Variants in FSTL5 observed in about 807,000 individuals in gnomAD.
The protein encoded by FSTL5 is follistatin like 5.
In FSTL5, 62 loss-of-function variants were observed where a neutral mutation model predicts 89.1. That is an observed-to-expected ratio of 0.70 (90% CI 0.57 to 0.86). The LOEUF (loss-of-function observed/expected upper bound fraction) is 0.86, where lower values mean the gene tolerates loss of function less well. Among genes scored for constraint, FSTL5 ranks in the 40% least tolerant of loss-of-function variants. The probability of loss-of-function intolerance (pLI) is 0.00; values close to 1 mark genes in which losing one functional copy is unlikely to be tolerated. For synonymous variants in FSTL5, 383 were observed against 346.2 expected (o/e 1.11, Z -1.18); for missense variants, 1,057 against 1,001.6 (o/e 1.06, Z -0.75).
intron 4 of FSTL5, among the ~76,000 whole-genome samples, chr4:161,888,991 A>G (rs1222175347): frequency 6.6e-6 from 1 of 152,122 alleles, no homozygotes; most frequent in Non-Finnish European, 1.5e-5. Context: ...TATTACTTGG[A>G]TTTCTGATAT....
intron 3 of FSTL5, among the ~76,000 whole-genome samples, chr4:161,942,715 G>T (rs1240512565): frequency 6.6e-6 from 1 of 152,108 alleles, no homozygotes; most frequent in Non-Finnish European, 1.5e-5. Flanking sequence ...TATTCTTTAT[G>T]AATATAGATG....
At chr4:161,842,966 T>C (rs992485725) in intron 4 of FSTL5, among the ~76,000 whole-genome samples, 11 of 152,208 alleles carry the variant, frequency 7.2e-5, no homozygotes, top group African/African-American at 2.7e-4. Context: ...TGCCCCACTA[T>C]ATTTTTTAAC....
At chr4:161,396,021 A>G (rs989689488) in intron 15 of FSTL5, among the ~76,000 whole-genome samples, 4 of 152,098 alleles carry the variant, frequency 2.6e-5, no homozygotes, top group Non-Finnish European at 5.9e-5. Flanking sequence ...CCCATGGGAT[A>G]TCAGCAAACA....
intron 11 of FSTL5, among the ~76,000 whole-genome samples, chr4:161,507,998 A>G (rs1019833676): frequency 3.3e-5 from 5 of 152,098 alleles, no homozygotes; most frequent in African/African-American, 1.2e-4. Context: ...ATAAATATAA[A>G]ACACTGCTAG....
chr4:161,952,092 A>G (rs1734911894), intron 3 of FSTL5, among the ~76,000 whole-genome samples: 1 of 152,042 alleles, frequency 6.6e-6, no homozygotes, highest in Non-Finnish European at 1.5e-5. Flanking sequence ...CTTTCCAGAA[A>G]TATAACTTGA....
chr4:161,514,852 C>T (rs1371592659), intron 10 of FSTL5, among the ~76,000 whole-genome samples: 4 of 151,804 alleles, frequency 2.6e-5, no homozygotes, highest in African/African-American at 9.7e-5. Flanking sequence ...AGATAAATAT[C>T]CAATTTCTAT....
intron 4 of FSTL5, among the ~76,000 whole-genome samples, chr4:161,902,195 G>A (rs868103794): frequency 9.9e-5 from 15 of 152,192 alleles, no homozygotes; most frequent in Admixed American, 2.6e-4. Context: ...CCAAAAGGCA[G>A]TTTGTAAAAT....
intron 2 of FSTL5, among the ~76,000 whole-genome samples, chr4:162,104,408 G>T (rs34447640): frequency 6.6e-6 from 1 of 152,042 alleles, no homozygotes; most frequent in South Asian, 2.1e-4. Flanking sequence ...GGAAGCCTCC[G>T]GCTACCATCT....
intron 7 of FSTL5, among the ~76,000 whole-genome samples, chr4:161,606,905 T>G (rs1734466977): frequency 6.6e-6 from 1 of 152,146 alleles, no homozygotes; most frequent in Non-Finnish European, 1.5e-5. Flanking sequence ...ATTTAAAACT[T>G]TATAAATATT....
intron 4 of FSTL5, among the ~76,000 whole-genome samples, chr4:161,864,971 C>G (rs761047067): frequency 3.3e-5 from 5 of 150,782 alleles, no homozygotes; most frequent in Admixed American, 6.6e-5. Context: ...GAATAGATAC[C>G]TAGCTATGGG....
intron 10 of FSTL5, among the ~76,000 whole-genome samples, chr4:161,514,232 C>CAT (rs1307704268): frequency 2.0e-5 from 3 of 151,932 alleles, no homozygotes; most frequent in Admixed American, 6.6e-5. Context: ...GTATTACACA[C>CAT]ACACACACAT....
intron 4 of FSTL5, among the ~76,000 whole-genome samples, chr4:161,778,964 G>C (rs761568203): frequency 6.6e-6 from 1 of 152,166 alleles, no homozygotes; most frequent in African/African-American, 2.4e-5. Flanking sequence ...GGTCTGTATT[G>C]CCTTCATTTC....
chr4:161,724,320 T>C (rs1291868885), intron 6 of FSTL5, among the ~76,000 whole-genome samples: 1 of 152,062 alleles, frequency 6.6e-6, no homozygotes, highest in Non-Finnish European at 1.5e-5. Flanking sequence ...CAATTATTAA[T>C]AGCAAAAAAG....
chr4:161,864,870 C>CAAAAAAAAAAA (rs10636039), intron 4 of FSTL5, among the ~76,000 whole-genome samples: 1 of 92,392 alleles, frequency 1.1e-5, no homozygotes, highest in Non-Finnish European at 2.0e-5. Context: ...GACTTCGTCT[C>CAAAAAAAAAAA]AAAAAAAAAA....
At chr4:161,517,036 G>T (rs991330078) in intron 10 of FSTL5, among the ~76,000 whole-genome samples, 1 of 152,046 alleles carries the variant, frequency 6.6e-6, no homozygotes, top group Non-Finnish European at 1.5e-5. Flanking sequence ...TTACAGAAGT[G>T]TGCCACCATA....
intron 2 of FSTL5, among the ~76,000 whole-genome samples, chr4:162,078,235 A>G (rs1729947534): frequency 6.6e-6 from 1 of 151,824 alleles, no homozygotes; most frequent in Non-Finnish European, 1.5e-5. Flanking sequence ...TGGGATTATC[A>G]AGTGCCGCAT....
intron 7 of FSTL5, among the ~76,000 whole-genome samples, chr4:161,632,401 CA>C (rs937101433): frequency 1.3e-5 from 2 of 151,908 alleles, no homozygotes; most frequent in Admixed American, 1.3e-4. Context: ...CAAAACAAAA[CA>C]AAAAGAGAGA....
intron 3 of FSTL5, among the ~76,000 whole-genome samples, chr4:161,933,906 G>A (rs747651377): frequency 9.2e-5 from 14 of 151,844 alleles, no homozygotes; most frequent in East Asian, 1.9e-4. Flanking sequence ...CTTTTTCTAC[G>A]TAGTTAGCTC....
intron 6 of FSTL5, among the ~76,000 whole-genome samples, chr4:161,710,062 G>A (rs529124389): frequency 1.3e-5 from 2 of 152,038 alleles, no homozygotes; most frequent in African/African-American, 4.8e-5. Context: ...TTTACTTCCT[G>A]GGGTCAAGCA....
Sources: allele counts gnomAD v4.1 joint callset (sites outside exome capture counted in the v4.1 genomes callset), GRCh38; gene constraint gnomAD v4.1.1; transcripts MANE v1.5; gene names NCBI Gene and HGNC (gene_info 2026-07-23, HGNC 2026-07-21).